GLRA2: variants seen among roughly 807,000 people sequenced by gnomAD.
GLRA2 encodes the protein glycine receptor alpha 2, also known as glycine receptor subunit alpha-2.
GLRA2 carries 11 observed loss-of-function variants against 31.6 expected under a neutral mutation model. The ratio of observed to expected loss-of-function variants is 0.35; its 90% confidence interval spans 0.22 to 0.58. The LOEUF (loss-of-function observed/expected upper bound fraction) is 0.58. Among genes scored for constraint, GLRA2 ranks in the 20% least tolerant of loss-of-function variants. The pLI is 0.84. For synonymous variants in GLRA2, 132 were observed against 134.0 expected (o/e 0.99, Z 0.10); for missense variants, 212 against 351.8 (o/e 0.60, Z 3.18).
At chrX:14,655,250 T>G (rs180741308) in intron 7 of GLRA2, among the ~76,000 whole-genome samples, 15 of 111,640 alleles carry the variant, frequency 1.3e-4, no homozygotes, top group African/African-American at 4.6e-4. Context: ...TCCTGAAATT[T>G]CATTCTGCAA....
the GLRA2 span, among the ~76,000 whole-genome samples, chrX:14,462,279 C>T: frequency 6.3e-5 from 7 of 111,259 alleles, no homozygotes; most frequent in African/African-American, 1.6e-4. Flanking sequence ...CTGCCCTTAA[C>T]ATTTTTTTTT....
intron 8 of GLRA2, among the ~76,000 whole-genome samples, chrX:14,724,626 C>CAAAAAAA (rs758722703): frequency 4.0e-5 from 2 of 49,583 alleles, no homozygotes; most frequent in African/African-American, 8.7e-5. Context: ...AACTCTGTCT[C>CAAAAAAA]AAAAAAAAAA....
At chrX:14,638,822 T>C (rs2090742885) in intron 7 of GLRA2, among the ~76,000 whole-genome samples, 1 of 111,769 alleles carries the variant, frequency 8.9e-6, no homozygotes, top group Non-Finnish European at 1.9e-5. Context: ...ACTAATTTAA[T>C]AAAATTTACT....
chrX:14,681,910 AATATAT>A (rs1556060452), intron 7 of GLRA2, among the ~76,000 whole-genome samples: 6 of 41,294 alleles, frequency 1.5e-4, no homozygotes, highest in Non-Finnish European at 2.6e-4. Flanking sequence ...AAAAAAAAAA[AATATAT>A]ATATATATAT....
chrX:14,474,816 A>G, the GLRA2 span, among the ~76,000 whole-genome samples: 1 of 111,535 alleles, frequency 9.0e-6, no homozygotes, highest in Non-Finnish European at 1.9e-5. Flanking sequence ...TTATTGAGAG[A>G]AACAAGAGGG....
chrX:14,706,746 T>A (rs949183881), intron 8 of GLRA2, among the ~76,000 whole-genome samples: 5 of 112,168 alleles, frequency 4.5e-5, no homozygotes. Context: ...ACAGGATCCA[T>A]GATAGAGTGA....
At chrX:14,707,773 T>TGTGC (rs1491201982) in intron 8 of GLRA2, among the ~76,000 whole-genome samples, 3 of 110,145 alleles carry the variant, frequency 2.7e-5, no homozygotes, top group African/African-American at 1.0e-4. Flanking sequence ...TGTGTGTGTG[T>TGTGC]GCACGCGCGC....
At chrX:14,623,614 T>G (rs1168230286) in intron 7 of GLRA2, among the ~76,000 whole-genome samples, 4 of 111,705 alleles carry the variant, frequency 3.6e-5, no homozygotes, top group Admixed American at 9.5e-5. Context: ...TAATCATGTG[T>G]TTTTGTCATT....
chrX:14,665,812 A>G (rs1207942619), intron 7 of GLRA2, among the ~76,000 whole-genome samples: 2 of 112,141 alleles, frequency 1.8e-5, no homozygotes, highest in Non-Finnish European at 3.8e-5. Context: ...CTAATGCTGA[A>G]AGAATTAGAG....
chrX:14,486,262 A>G, the GLRA2 span, among the ~76,000 whole-genome samples: 1 of 112,175 alleles, frequency 8.9e-6, no homozygotes, highest in African/African-American at 3.2e-5. Flanking sequence ...TTACAGATAG[A>G]TAAAAGACTT....
At chrX:14,542,062 A>C (rs2089412381) in intron 2 of GLRA2, among the ~76,000 whole-genome samples, 1 of 111,233 alleles carries the variant, frequency 9.0e-6, no homozygotes, top group African/African-American at 3.3e-5. Flanking sequence ...TGTCAACTTA[A>C]ATCTATAAAT....
chrX:14,498,223 A>G, the GLRA2 span, among the ~76,000 whole-genome samples: 1 of 111,138 alleles, frequency 9.0e-6, no homozygotes, highest in African/African-American at 3.3e-5. Flanking sequence ...ACCAGGAAAA[A>G]TATTTTAAAA....
At chrX:14,519,994 T>C in the GLRA2 span, among the ~76,000 whole-genome samples, 2 of 112,382 alleles carry the variant, frequency 1.8e-5, no homozygotes, top group East Asian at 5.6e-4. Context: ...CTATAATGAA[T>C]GTAATTCCAT....
intron 7 of GLRA2, among the ~76,000 whole-genome samples, chrX:14,662,297 A>G (rs1478330088): frequency 8.9e-6 from 1 of 111,900 alleles, no homozygotes; most frequent in Non-Finnish European, 1.9e-5. Flanking sequence ...CCTATTAATA[A>G]AAATTCATGA....
intron 8 of GLRA2, among the ~76,000 whole-genome samples, chrX:14,716,706 GCA>G (rs2091791191): frequency 1.8e-5 from 2 of 111,660 alleles, no homozygotes; most frequent in Non-Finnish European, 3.8e-5. Context: ...CCTCTGGTGA[GCA>G]AAGATAATAG....
At chrX:14,469,743 C>T in the GLRA2 span, among the ~76,000 whole-genome samples, 37 of 102,890 alleles carry the variant, frequency 3.6e-4, 1 homozygote, top group East Asian at 3.6e-3. Flanking sequence ...ATACCTAATG[C>T]TAAATGACGA....
the GLRA2 span, among the ~76,000 whole-genome samples, chrX:14,454,188 CCACA>C: frequency 7.9e-4 from 80 of 101,527 alleles, no homozygotes; most frequent in South Asian, 7.1e-3. Flanking sequence ...ACCCACACAC[CCACA>C]CACACACACA....
At chrX:14,725,462 C>G (rs188683123) in intron 8 of GLRA2, among the ~76,000 whole-genome samples, 72 of 111,242 alleles carry the variant, frequency 6.5e-4, no homozygotes, top group African/African-American at 2.2e-3. Context: ...ACCTTCAGTT[C>G]CAACTGAGAA....
At chrX:14,541,749 A>G (rs1458220710) in intron 2 of GLRA2, among the ~76,000 whole-genome samples, 1 of 111,786 alleles carries the variant, frequency 8.9e-6, no homozygotes. Context: ...AAGTTAGATT[A>G]TGTGATTCAG....
Sources: gnomAD v4.1 joint callset for allele counts (sites outside exome capture counted in the v4.1 genomes callset) on GRCh38, gnomAD v4.1.1 for gene constraint, MANE v1.5 for transcripts, NCBI Gene and HGNC (gene_info 2026-07-23, HGNC 2026-07-21) for gene names.